P2RX5: variants seen among roughly 807,000 people sequenced by gnomAD.
P2RX5 encodes P2X purinoceptor 5.
In P2RX5, 46 loss-of-function variants were observed where a neutral mutation model predicts 54.1. That is an observed-to-expected ratio of 0.85 (90% CI 0.67 to 1.09). P2RX5 has a LOEUF of 1.09. Among genes scored for constraint, P2RX5 ranks in the 50% least tolerant of loss-of-function variants. The pLI, the probability that P2RX5 is intolerant of heterozygous loss-of-function variation, is 0.00. For synonymous variants in P2RX5, 226 were observed against 226.4 expected (o/e 1.00, Z 0.02); for missense variants, 566 against 549.8 (o/e 1.03, Z -0.29).
upstream of P2RX5, among the ~76,000 whole-genome samples, chr17:3,697,219 G>A (rs1597279533): frequency 2.0e-5 from 3 of 152,268 alleles, no homozygotes; most frequent in African/African-American, 7.2e-5. Context: ...CCTGGAGAGT[G>A]CGCATGTACC....
upstream of P2RX5, among the ~76,000 whole-genome samples, chr17:3,698,404 G>A (rs1403036597): frequency 7.2e-5 from 11 of 152,302 alleles, no homozygotes; most frequent in Non-Finnish European, 5.9e-5. Flanking sequence ...CACTCCCCAA[G>A]GGAGTTCCAG....
chr17:3,676,919 G>A (rs760148134), intron 11 of P2RX5: 32 of 236,704 alleles, frequency 1.4e-4, no homozygotes, highest in Non-Finnish European at 1.9e-4. Flanking sequence ...AAAATTAGCC[G>A]GGCATGGTGG....
Position 3,690,665 on chromosome 17 carries a change from C to T in P2RX5, c.376G>A (p.Asp126Asn). Residue 126 changes from aspartate (D) to asparagine (N), a missense_variant, in exon 4 of 12, where the codon GAT (aspartate) becomes AAT (asparagine). Coordinates refer to ENST00000225328, the MANE Select transcript of P2RX5 (RefSeq NM_002561.4). ...NVCAENEGIP[D>N]GACSKDSDCH... ...TCGCTGTCCTTGGAGCACGCGCCAT[C>T]AGGAATGCCTTCATTCTGCCAGGAG... The T allele has an allele frequency of 6.2e-7, 1 of 1,613,280 alleles. No individual in the cohort carries two copies. The highest frequency in any genetic ancestry group is 8.5e-7 in the Non-Finnish European group (1 of 1,180,032).
chr17:3,674,090 G>A (rs1277966009), intron 11 of P2RX5, among the ~76,000 whole-genome samples: 3 of 152,118 alleles, frequency 2.0e-5, no homozygotes, highest in Admixed American at 1.3e-4. Context: ...CGAGGTGGGC[G>A]GATCACGAGG....
At chr17:3,691,571 A>G (rs1016502290) in intron 2 of P2RX5, 73 bp downstream of exon 2, 27 of 1,583,638 alleles carry the variant, frequency 1.7e-5, no homozygotes, top group Non-Finnish European at 2.3e-5. Context: ...GTATCCAAGA[A>G]GCTTCCCGTG....
the P2RX5 span, among the ~76,000 whole-genome samples, chr17:3,706,188 C>T: frequency 6.6e-6 from 1 of 151,944 alleles, no homozygotes; most frequent in Non-Finnish European, 1.5e-5. Context: ...CTCCTGACCC[C>T]GTGATCTGCC....
chr17:3,674,857 G>A (rs1183804966), intron 11 of P2RX5, among the ~76,000 whole-genome samples: 11 of 152,122 alleles, frequency 7.2e-5, no homozygotes, highest in South Asian at 4.1e-4. Flanking sequence ...ACCCCATTCC[G>A]TCTGTGATGA....
At chr17:3,691,530 G>T in intron 2 of P2RX5, 114 bp downstream of exon 2, 4 of 1,331,328 alleles carry the variant, frequency 3.0e-6, no homozygotes, top group Non-Finnish European at 4.2e-6. Context: ...GCTGTCTTGG[G>T]CCAAGAGAGA....
rs747789779 is a variant in P2RX5 at position 3,688,761 on chromosome 17, T to C, written c.754-2A>G. On this transcript the variant is annotated splice_acceptor_variant, in intron 7 of 11. Transcript: ENST00000225328. LOFTEE classifies it high-confidence loss of function. ...AATATTAATTCCTATCACGCCACCC[T>C]TGATAAAAGAGAGATGAGGGTCAGC... 5.9e-5 allele frequency: 96 copies of C among 1,613,852 alleles called. 3 individuals carry two copies. The South Asian group carries it at 1.0e-3, about 17-fold the overall frequency.
At chr17:3,690,349 C>T (rs1017544512) in intron 5 of P2RX5, 78 bp downstream of exon 5, 5 of 1,248,260 alleles carry the variant, frequency 4.0e-6, no homozygotes, top group Non-Finnish European at 4.6e-6. Context: ...CCAGAGTGGG[C>T]AGGACTCCAC....
chr17:3,717,002 G>A, the P2RX5 span: 5 of 495,510 alleles, frequency 1.0e-5, no homozygotes, highest in East Asian at 7.2e-5. Context: ...CAAATACTTC[G>A]TAAGAAACTA....
intron 11 of P2RX5, chr17:3,677,910 C>T: frequency 7.1e-6 from 7 of 985,440 alleles, no homozygotes; most frequent in Non-Finnish European, 8.4e-6. Flanking sequence ...AGGCTCCCCT[C>T]CTCACTCAGC....
intron 8 of P2RX5, 99 bp from the exon 9 acceptor site, chr17:3,688,204 G>T: frequency 1.4e-6 from 1 of 730,720 alleles, no homozygotes. Context: ...AGGACTCCCG[G>T]AACCCTGACT....
At chr17:3,706,932 T>C in the P2RX5 span, among the ~76,000 whole-genome samples, 9 of 152,158 alleles carry the variant, frequency 5.9e-5, no homozygotes, top group Non-Finnish European at 8.8e-5. Context: ...CCAACAGAAA[T>C]TGTATATTCC....
At chr17:3,722,047 C>T in the P2RX5 span, among the ~76,000 whole-genome samples, 183 of 152,064 alleles carry the variant, frequency 1.2e-3, no homozygotes, top group African/African-American at 4.1e-3. Flanking sequence ...GGTATGGTGG[C>T]GCATACCTGT....
At chr17:3,685,264 A>G (rs1406072831) in intron 9 of P2RX5, among the ~76,000 whole-genome samples, 2 of 152,178 alleles carry the variant, frequency 1.3e-5, no homozygotes, top group African/African-American at 4.8e-5. Flanking sequence ...ACCCATGCAC[A>G]GCTGCAGAGC....
At chr17:3,685,619 GGACAGC>G (rs1425730169) in intron 9 of P2RX5, 1 of 168,782 alleles carries the variant, frequency 5.9e-6, no homozygotes, top group Non-Finnish European at 1.3e-5. Context: ...GAGGCAGGTT[GGACAGC>G]GGGGCCCCCA....
chr17:3,697,755 C>T (rs527574857), upstream of P2RX5, among the ~76,000 whole-genome samples: 7 of 152,294 alleles, frequency 4.6e-5, no homozygotes, highest in East Asian at 1.3e-3. Context: ...ATCTTTTCAT[C>T]CATTTCAACT....
chr17:3,684,894 G>A lies in P2RX5; in HGVS notation c.982-2916C>T, dbSNP rs750928551. On this transcript the variant is annotated intron_variant, in intron 9 of 11. Coordinates refer to ENST00000225328, the MANE Select transcript of P2RX5 (RefSeq NM_002561.4). ...GAGTTTTGCTCTTGTTGTCCAGGCT[G>A]GGGTGCAGTTGTGTGATCTGGGCTC... 2.8e-5 allele frequency among the ~76,000 whole-genome samples: 4 copies of A among 141,662 alleles called. No homozygotes were observed. In the Admixed American group the frequency reaches 3.0e-4, roughly 11 times the overall value. 92.9% of individuals were successfully genotyped at this position (141,662 alleles called of 152,430 possible).
Sources: gnomAD v4.1 joint callset for allele counts (sites outside exome capture counted in the v4.1 genomes callset) on GRCh38, gnomAD v4.1.1 for gene constraint, MANE v1.5 for transcripts, NCBI Gene and HGNC (gene_info 2026-07-23, HGNC 2026-07-21) for gene names.